Variants in INTU observed in about 807,000 individuals in gnomAD.
INTU encodes the protein inturned planar cell polarity protein.
Under a neutral mutation model 100.5 loss-of-function variants are expected in INTU, and 68 were observed. That is an observed-to-expected ratio of 0.68 (90% confidence interval 0.56 to 0.83). INTU has a LOEUF of 0.83. Ranked by LOEUF, INTU falls within the 40% of genes least tolerant of loss-of-function variation. INTU has a pLI of 0.00. For synonymous variants in INTU, 357 were observed against 395.7 expected (o/e 0.90, Z 1.16); for missense variants, 1,071 against 1,114.7 (o/e 0.96, Z 0.56).
At position 127,690,679 on chromosome 4, in the gene INTU, T is replaced by A. The variant is rs144651107; in HGVS notation, c.1449+2812T>A. On this transcript the variant is annotated intron_variant, in intron 8 of 15. Coordinates refer to ENST00000335251, the MANE Select transcript of INTU (RefSeq NM_015693.4). ...CAACAATAACATTTGAAGTTTTTTT[T>A]ATTCTATTTTTTACTGCAGTTTTAG... 3.3e-3 allele frequency among the ~76,000 whole-genome samples: 504 copies of A among 152,344 alleles called. 3 individuals are homozygous for A. Among genetic ancestry groups the A allele is most frequent in the African/African-American group, 0.011 (476 of 41,574 alleles).
At chr4:127,709,994 A>G (rs568014084) in intron 13 of INTU, among the ~76,000 whole-genome samples, 2 of 152,196 alleles carry the variant, frequency 1.3e-5, no homozygotes, top group African/African-American at 4.8e-5. Context: ...CAAACCTTTT[A>G]TGGAACCCAA....
At position 127,723,131 on chromosome 4, in the gene INTU, G is replaced by T. The variant is rs1246315466; in HGVS notation, c.*6695G>T. On this transcript the variant is annotated 3_prime_UTR_variant, in exon 16 of 16. Transcript: ENST00000335251. ...GTGGGAAAAGCCTGGTTTTCAGGGA[G>T]GGGAAGCAAAATCCTTCACCATCTC... 3.9e-5 allele frequency: 6 copies of T among 152,270 alleles called. No homozygotes were observed. The highest frequency in any genetic ancestry group is 8.8e-5 in the Non-Finnish European group (6 of 68,102). 9.4% of individuals were successfully genotyped at this position (152,270 alleles called of 1,614,324 possible).
Position 127,663,046 on chromosome 4 carries a change from A to G in INTU, c.769-335A>G, listed in dbSNP as rs189213213. On this transcript the variant is annotated intron_variant, in intron 3 of 15. Coordinates refer to ENST00000335251, the MANE Select transcript of INTU (RefSeq NM_015693.4). ...GGTGTTATTCTTTTTGCACTATCAGATCATACTAATTTCTGGTTTTTGATG... is the reference window on the plus strand; with the variant it reads ...GGTGTTATTCTTTTTGCACTATCAGGTCATACTAATTTCTGGTTTTTGATG... Among the ~76,000 whole-genome samples, 384 of 152,284 alleles carry G rather than the reference A, an allele frequency of 2.5e-3. 1 individual carries two copies. The highest frequency in any genetic ancestry group is 4.6e-3 in the Non-Finnish European group (311 of 68,006).
At chr4:127,706,244 T>A (rs1730873398) in intron 11 of INTU, among the ~76,000 whole-genome samples, 1 of 152,180 alleles carries the variant, frequency 6.6e-6, no homozygotes, top group South Asian at 2.1e-4. Flanking sequence ...TAGGGAATTC[T>A]GTGTCTCAAA....
rs1425280268 is a variant in INTU, at chr4:127,725,366, C to G, written c.*8930C>G. On this transcript the variant is annotated 3_prime_UTR_variant, in exon 16 of 16. Coordinates refer to ENST00000335251, the MANE Select transcript of INTU (RefSeq NM_015693.4). ...AGATCACAATATTGTCATATGCTACCATTTGACTCACAACTGCTGTCTTAG... is the reference window on the plus strand; with the variant it reads ...AGATCACAATATTGTCATATGCTACGATTTGACTCACAACTGCTGTCTTAG... 6.6e-6 allele frequency: 1 copy of G among 152,064 alleles called. No homozygotes were observed. Among genetic ancestry groups the G allele is most frequent in the African/African-American group, 2.4e-5 (1 of 41,406 alleles). The allele number at this position is 152,064 out of a possible 1,614,324, so 9.4% of individuals were successfully genotyped here.
chr4:127,709,058 G>A (rs1047641710), intron 13 of INTU, among the ~76,000 whole-genome samples: 4 of 152,190 alleles, frequency 2.6e-5, no homozygotes, highest in Non-Finnish European at 4.4e-5. Context: ...AATGGTGGCT[G>A]CTAATGCCTC....
intron 2 of INTU, among the ~76,000 whole-genome samples, chr4:127,653,650 T>C (rs1728019817): frequency 6.6e-6 from 1 of 151,118 alleles, no homozygotes; most frequent in African/African-American, 2.4e-5. Context: ...AACTATGTGG[T>C]CAATTTTGGA....
chr4:127,670,543 T>A (rs575837749), intron 5 of INTU, among the ~76,000 whole-genome samples: 17 of 152,084 alleles, frequency 1.1e-4, no homozygotes, highest in Non-Finnish European at 2.1e-4. Context: ...TTTTATTTTT[T>A]AAAAATCTTT....
At chr4:127,667,231 A>T (rs1189769268) in intron 4 of INTU, among the ~76,000 whole-genome samples, 1 of 152,138 alleles carries the variant, frequency 6.6e-6, no homozygotes, top group African/African-American at 2.4e-5. Flanking sequence ...TCAAAAGAAC[A>T]GGTTTCTGTC....
At chr4:127,676,159 AC>A (rs1342392596) in intron 6 of INTU, 2 of 158,660 alleles carry the variant, frequency 1.3e-5, no homozygotes, top group Non-Finnish European at 2.8e-5. Flanking sequence ...TGTGACATAT[AC>A]TAGATGAGGG....
chr4:127,702,658 A>C (rs533238934), intron 9 of INTU, among the ~76,000 whole-genome samples: 1 of 152,278 alleles, frequency 6.6e-6, no homozygotes, highest in East Asian at 1.9e-4. Context: ...ATAAGGATCT[A>C]TTCTACACTT....
rs183250241 is a variant in INTU, at chr4:127,708,530, A to C, written c.2272-41A>C. 5.8e-6 allele frequency: 6 copies of C among 1,032,302 alleles called. No homozygotes were observed. The Admixed American group carries it at 1.1e-4, about 19-fold the overall frequency. 63.9% of individuals were successfully genotyped at this position (1,032,302 alleles called of 1,614,324 possible). ...TAAATTGTTTCTGCTATATGATTCC[A>C]TTCTTAGATATAAACTGATCTACTT... On this transcript the variant is annotated intron_variant, in intron 12 of 15. Coordinates refer to ENST00000335251, the MANE Select transcript of INTU (RefSeq NM_015693.4).
At chr4:127,650,080 A>G (rs1578538836) in intron 2 of INTU, among the ~76,000 whole-genome samples, 1 of 152,200 alleles carries the variant, frequency 6.6e-6, no homozygotes, top group Non-Finnish European at 1.5e-5. Flanking sequence ...GTATTTTGAT[A>G]TGGTTGGGGC....
rs1730859763 is a variant in INTU, at chr4:127,705,881, G to C, written c.1788+69G>C. 4.1e-6 allele frequency: 5 copies of C among 1,230,454 alleles called. No individual in the cohort carries two copies. In the South Asian group the frequency reaches 6.6e-5, roughly 16 times the overall value. 76.2% of individuals were successfully genotyped at this position (1,230,454 alleles called of 1,614,324 possible). On this transcript the variant is annotated intron_variant, in intron 11 of 15. Transcript: ENST00000335251. The stretch of plus-strand genomic sequence containing the variant: ...TTTTATTTTTTTCTTTTCGGCAGGG[G>C]TTGAGGGATGCAGCGGTAGGTAGGT...
chr4:127,673,264 C>T (rs1473025061), intron 5 of INTU, among the ~76,000 whole-genome samples: 1 of 151,884 alleles, frequency 6.6e-6, no homozygotes, highest in African/African-American at 2.4e-5. Flanking sequence ...GCAGCCTTGA[C>T]CTCCCAGCCT....
chr4:127,684,527 T>A, intron 7 of INTU, 41 bp downstream of exon 7: 1 of 1,140,678 alleles, frequency 8.8e-7, no homozygotes. Context: ...TTTAATTATG[T>A]GATTCTAAGT....
intron 4 of INTU, among the ~76,000 whole-genome samples, chr4:127,666,079 G>A (rs1352799382): frequency 6.6e-6 from 1 of 152,032 alleles, no homozygotes; most frequent in Middle Eastern, 3.2e-3. Context: ...TCAGCTTTTA[G>A]TATTCTGTGC....
At position 127,660,627 on chromosome 4, in the gene INTU, G is replaced by A. The variant is rs201376642; in HGVS notation, c.769-2754G>A. ...TGGAAGAGACATTGCTTTTTAAATA[G>A]GATGGGCTAAAGACTGAAGTAGAAA... On this transcript the variant is annotated intron_variant, in intron 3 of 15. Coordinates refer to ENST00000335251, the MANE Select transcript of INTU (RefSeq NM_015693.4). Among the ~76,000 whole-genome samples the A allele has an allele frequency of 1.6e-4, 24 of 152,282 alleles. No homozygotes were observed. The East Asian group carries it at 4.4e-3, about 28-fold the overall frequency.
intron 3 of INTU, among the ~76,000 whole-genome samples, chr4:127,660,622 A>G (rs1728433807): frequency 6.6e-6 from 1 of 152,174 alleles, no homozygotes; most frequent in African/African-American, 2.4e-5. Flanking sequence ...ATTGCTTTTT[A>G]AATAGGATGG....
Sources: allele counts gnomAD v4.1 joint callset (sites outside exome capture counted in the v4.1 genomes callset), GRCh38; gene constraint gnomAD v4.1.1; transcripts MANE v1.5; gene names NCBI Gene and HGNC (gene_info 2026-07-23, HGNC 2026-07-21).